The following MALRD1 variants were observed in gnomAD, a reference collection of about 807,000 sequenced individuals.
The protein encoded by MALRD1 is MAM and LDL receptor class A domain containing 1.
Under a neutral mutation model 242.1 loss-of-function variants are expected in MALRD1, and 247 were observed. The observed-to-expected ratio is 1.02, with a 90% CI of 0.92 to 1.13. The LOEUF is 1.13. Among genes scored for constraint, MALRD1 ranks in the 50% most tolerant of loss-of-function variants. The pLI is 0.00. For missense variants in MALRD1, 2,989 were observed against 2,533.1 expected (o/e 1.18, Z -3.86); for synonymous variants, 995 against 866.6 (o/e 1.15, Z -2.60).
chr10:19,519,617 T>A (rs1008293973), intron 31 of MALRD1, among the ~76,000 whole-genome samples: 4 of 151,830 alleles, frequency 2.6e-5, no homozygotes, highest in Non-Finnish European at 5.9e-5. Context: ...ATTTTTTTTT[T>A]ATAAGGTAGC....
chr10:19,357,682 CACTTA>C (rs1193860612), intron 26 of MALRD1, among the ~76,000 whole-genome samples: 1 of 152,048 alleles, frequency 6.6e-6, no homozygotes, highest in Non-Finnish European at 1.5e-5. Flanking sequence ...ACTGCAAAAA[CACTTA>C]ACTTGGAATT....
intron 18 of MALRD1, among the ~76,000 whole-genome samples, chr10:19,231,054 C>G (rs943085933): frequency 1.3e-5 from 2 of 152,092 alleles, no homozygotes; most frequent in South Asian, 4.1e-4. Context: ...AATCATGCCT[C>G]TCAGCTGATT....
rs576201312 is a variant in MALRD1 at position 19,703,532 on chromosome 10, G to T, written c.6314+10978G>T. 2.0e-5 allele frequency among the ~76,000 whole-genome samples: 3 copies of T among 152,308 alleles called. No individual in the cohort carries two copies. In the East Asian group the frequency reaches 5.8e-4, roughly 29 times the overall value. ...CTTCAAGGAAGCAGGAAATACAGCA[G>T]CCTTCAAGAGTTCATAGTAAAAGAA... is the stretch of plus-strand genomic sequence containing the variant. On this transcript the variant is annotated intron_variant, in intron 38 of 39. Transcript: ENST00000454679.
intron 19 of MALRD1, among the ~76,000 whole-genome samples, chr10:19,267,929 C>G (rs982940503): frequency 6.6e-6 from 1 of 152,030 alleles, no homozygotes; most frequent in Non-Finnish European, 1.5e-5. Flanking sequence ...AAAAATTTGA[C>G]CAAAGTCTGC....
At chr10:19,458,078 C>T (rs187426342) in intron 29 of MALRD1, among the ~76,000 whole-genome samples, 2 of 152,174 alleles carry the variant, frequency 1.3e-5, no homozygotes, top group African/African-American at 4.8e-5. Flanking sequence ...CACTGCAATG[C>T]ACCTTTTGTA....
chr10:19,707,219 TCTTCTC>T (rs1400800550), intron 38 of MALRD1, among the ~76,000 whole-genome samples: 1 of 150,654 alleles, frequency 6.6e-6, no homozygotes, highest in Non-Finnish European at 1.5e-5. Context: ...TCCTCCTTCT[TCTTCTC>T]CTTCTCCTCC....
intron 18 of MALRD1, among the ~76,000 whole-genome samples, chr10:19,212,012 A>G (rs191173805): frequency 1.3e-5 from 2 of 152,340 alleles, no homozygotes; most frequent in Admixed American, 1.3e-4. Flanking sequence ...ATGTCAGTTG[A>G]AATAATCAGC....
intron 11 of MALRD1, among the ~76,000 whole-genome samples, chr10:19,152,439 T>A (rs1833974487): frequency 6.6e-6 from 1 of 152,106 alleles, no homozygotes; most frequent in Non-Finnish European, 1.5e-5. Flanking sequence ...CTTCATATTT[T>A]AATTCTATTA....
intron 5 of MALRD1, among the ~76,000 whole-genome samples, chr10:19,111,077 T>TG (rs1836662422): frequency 6.6e-6 from 1 of 152,192 alleles, no homozygotes; most frequent in South Asian, 2.1e-4. Context: ...TCTTTGTCTC[T>TG]GGGAACCAAA....
intron 28 of MALRD1, among the ~76,000 whole-genome samples, chr10:19,447,859 A>G (rs767468045): frequency 6.6e-5 from 10 of 152,186 alleles, no homozygotes; most frequent in South Asian, 2.1e-4. Flanking sequence ...CATCAAAAAG[A>G]TACGAAATTC....
intron 19 of MALRD1, among the ~76,000 whole-genome samples, chr10:19,278,220 C>T (rs142285007): frequency 1.3e-3 from 200 of 152,240 alleles, no homozygotes; most frequent in African/African-American, 2.7e-3. Context: ...AATGTATTTC[C>T]ATGCATTCAC....
chr10:19,296,472 T>A (rs919047164), intron 21 of MALRD1, among the ~76,000 whole-genome samples: 1 of 152,072 alleles, frequency 6.6e-6, no homozygotes, highest in African/African-American at 2.4e-5. Flanking sequence ...TCTTCATCAT[T>A]TTGTGGGGAA....
chr10:19,303,245 T>C (rs1842027656), intron 21 of MALRD1, among the ~76,000 whole-genome samples: 1 of 151,640 alleles, frequency 6.6e-6, no homozygotes. Flanking sequence ...CATAACAATA[T>C]AAATATCTGA....
At chr10:19,541,238 G>T (rs567158644) in intron 32 of MALRD1, among the ~76,000 whole-genome samples, 1 of 152,032 alleles carries the variant, frequency 6.6e-6, no homozygotes, top group Non-Finnish European at 1.5e-5. Flanking sequence ...TTTTACAAGT[G>T]GTGTTAAACT....
At chr10:19,576,530 C>T (rs2131491845) in intron 33 of MALRD1, among the ~76,000 whole-genome samples, 1 of 152,260 alleles carries the variant, frequency 6.6e-6, no homozygotes, top group South Asian at 2.1e-4. Flanking sequence ...TACATAAATT[C>T]ATACAAGTTA....
At chr10:19,589,078 T>C (rs532122695) in intron 33 of MALRD1, among the ~76,000 whole-genome samples, 1 of 152,218 alleles carries the variant, frequency 6.6e-6, no homozygotes, top group South Asian at 2.1e-4. Context: ...TACTGAATAT[T>C]AAAAGGGATT....
chr10:19,621,282 G>A (rs1299046972), intron 36 of MALRD1, among the ~76,000 whole-genome samples: 2 of 149,272 alleles, frequency 1.3e-5, no homozygotes, highest in Non-Finnish European at 3.0e-5. Context: ...ACATATAATT[G>A]GGGATATTTG....
chr10:19,548,251 T>A (rs1051542399), intron 32 of MALRD1, among the ~76,000 whole-genome samples: 7 of 151,864 alleles, frequency 4.6e-5, no homozygotes, highest in Non-Finnish European at 1.0e-4. Flanking sequence ...TGCCCCCCTC[T>A]GCCGCCCAAA....
chr10:19,695,832 A>T (rs1833354143), intron 38 of MALRD1, among the ~76,000 whole-genome samples: 1 of 152,038 alleles, frequency 6.6e-6, no homozygotes, highest in African/African-American at 2.4e-5. Context: ...CGCCAAAGGC[A>T]TGTCTTTCAT....
Sources: allele counts gnomAD v4.1 joint callset (sites outside exome capture counted in the v4.1 genomes callset), GRCh38; gene constraint gnomAD v4.1.1; transcripts MANE v1.5; gene names NCBI Gene and HGNC (gene_info 2026-07-23, HGNC 2026-07-21).